The following RAP1GAP variants were observed in gnomAD, a reference collection of about 807,000 sequenced individuals.
RAP1GAP encodes RAP1 GTPase activating protein, also known as rap1 GTPase-activating protein 1.
Under a neutral mutation model 87.2 loss-of-function variants are expected in RAP1GAP, and 35 were observed. The ratio of observed to expected loss-of-function variants is 0.40; its 90% CI spans 0.31 to 0.53. The LOEUF (loss-of-function observed/expected upper bound fraction) is 0.53, where lower values mean the gene tolerates loss of function less well. RAP1GAP is among the 20% of genes least tolerant of loss of function. RAP1GAP has a pLI of 0.48. For synonymous variants in RAP1GAP, 375 were observed against 363.9 expected, an observed-to-expected ratio of 1.03 and a Z score of -0.35; for missense variants, 734 against 898.9, an observed-to-expected ratio of 0.82 and a Z score of 2.35.
In RAP1GAP at chr1:21,603,823, G is replaced by A. The variant is rs375772076; in HGVS notation, c.1429-910C>T. ...GGCAGCCTCCAGAGCCGGCGGCCCC[G>A]CGGACGACAACCTCTTCCACGGTTC... On this transcript the variant is annotated intron_variant, in intron 18 of 24. Coordinates refer to ENST00000374765, the MANE Select transcript of RAP1GAP (RefSeq NM_002885.4). This position sits in a 1 kb window ranked among gnomAD's most constrained non-coding sequence, Gnocchi z 6.0. The A allele has an allele frequency of 2.0e-5, 32 of 1,610,566 alleles. No homozygotes were observed. The highest frequency in any genetic ancestry group is 6.7e-5 in the African/African-American group (5 of 74,888).
chr1:21,620,110 C>T, intron 3 of RAP1GAP, 60 bp from the exon 4 acceptor site: 1 of 1,596,998 alleles, frequency 6.3e-7, no homozygotes, highest in Non-Finnish European at 8.6e-7. Context: ...AGAGGAGTCT[C>T]CACCCGCCCC....
At chr1:21,640,939 G>T (rs1369696588) in intron 2 of RAP1GAP, among the ~76,000 whole-genome samples, 1 of 152,106 alleles carries the variant, frequency 6.6e-6, no homozygotes, top group East Asian at 1.9e-4. Context: ...ATGGAGCCTT[G>T]CTCTGTTGGC....
chr1:21,636,946 A>AGGGAGGG (rs2094821666), intron 2 of RAP1GAP, among the ~76,000 whole-genome samples: 3 of 62,230 alleles, frequency 4.8e-5, no homozygotes, highest in African/African-American at 6.9e-5. Context: ...GGGAGGGAGG[A>AGGGAGGG]AGGGAGGGAG....
chr1:21,619,466 G>A (rs1328094933), intron 4 of RAP1GAP, among the ~76,000 whole-genome samples: 1 of 151,366 alleles, frequency 6.6e-6, no homozygotes. Context: ...AGGCATTGGA[G>A]AGAGAGACAG....
At chr1:21,638,684 C>G (rs1043738664) in intron 2 of RAP1GAP, among the ~76,000 whole-genome samples, 1 of 152,186 alleles carries the variant, frequency 6.6e-6, no homozygotes. Flanking sequence ...TACTTTTCTG[C>G]ACGGTTTGGA....
At chr1:21,667,301 C>T (rs1193730848) in intron 1 of RAP1GAP, among the ~76,000 whole-genome samples, 2 of 152,168 alleles carry the variant, frequency 1.3e-5, no homozygotes, top group South Asian at 2.1e-4. Flanking sequence ...GTGGCAGAGA[C>T]CTCTCTCCCT....
chr1:21,606,343 G>C, intron 17 of RAP1GAP, 146 bp from the exon 18 acceptor site: 1 of 1,245,062 alleles, frequency 8.0e-7, no homozygotes, highest in Non-Finnish European at 1.1e-6. Flanking sequence ...CATGTGGCCA[G>C]CAGGGCAACA....
intron 2 of RAP1GAP, among the ~76,000 whole-genome samples, chr1:21,641,719 G>C (rs1443436378): frequency 6.6e-6 from 1 of 152,164 alleles, no homozygotes. Flanking sequence ...GGAAACTGAG[G>C]TTCAGAGAGG....
At chr1:21,654,908 A>G (rs1298733751) in intron 1 of RAP1GAP, among the ~76,000 whole-genome samples, 3 of 152,156 alleles carry the variant, frequency 2.0e-5, no homozygotes, top group Non-Finnish European at 2.9e-5. Context: ...TGGGAGGCCA[A>G]GTCGGGTAGA....
At chr1:21,659,427 C>A (rs1481263825) in intron 1 of RAP1GAP, among the ~76,000 whole-genome samples, 1 of 152,180 alleles carries the variant, frequency 6.6e-6, no homozygotes, top group Non-Finnish European at 1.5e-5. Context: ...CACTTCCTCA[C>A]CCCTCCCTTA....
chr1:21,622,220 C>T lies in RAP1GAP; in HGVS notation c.-18-2170G>A. 3.1e-6 allele frequency: 1 copy of T among 327,462 alleles called. No homozygotes were observed. The allele number at this position is 327,462 out of a possible 1,614,324, so 20.3% of individuals were successfully genotyped here. On this transcript the variant is annotated intron_variant, in intron 3 of 24. Coordinates refer to ENST00000374765, the MANE Select transcript of RAP1GAP (RefSeq NM_002885.4). The surrounding 1 kb of genome is among the most constrained non-coding windows in gnomAD (Gnocchi z 5.7). ...GTGTCAGCCCAGAAGCTCACACGCC[C>T]ACCATGACGGAGCCTTGTCCGCCCG...
In RAP1GAP at chr1:21,668,366, G is replaced by A. The variant is rs114988363; in HGVS notation, c.-149+888C>T. The A allele has an allele frequency of 0.057, 8,755 of 152,652 alleles. 332 individuals carry two copies. Among genetic ancestry groups the A allele is most frequent in the Non-Finnish European group, 0.072 (4,891 of 68,338 alleles). 9.5% of individuals were successfully genotyped at this position (152,652 alleles called of 1,614,324 possible). A position where few individuals can be genotyped will look rare whatever the true frequency, so the allele number is the denominator to read the frequency against. On this transcript the variant is annotated intron_variant, in intron 1 of 24. Transcript: ENST00000374765. The surrounding 1 kb of genome is among the most constrained non-coding windows in gnomAD (Gnocchi z 6.2). ...CCTCTGACTTGGCAGGGAGGGGAATGGAGCCCGGGGACAGAGGCCAATGAG... is the reference window on the plus strand; with the variant it reads ...CCTCTGACTTGGCAGGGAGGGGAATAGAGCCCGGGGACAGAGGCCAATGAG...
At chr1:21,653,547 C>A (rs147854329) in intron 1 of RAP1GAP, among the ~76,000 whole-genome samples, 299 of 94,216 alleles carry the variant, frequency 3.2e-3, no homozygotes, top group Admixed American at 4.2e-3. Context: ...GGAGGAACTT[C>A]CTTCCTTCCT....
At chr1:21,608,486 T>C in intron 16 of RAP1GAP, 136 bp from the exon 17 acceptor site, 2 of 1,197,740 alleles carry the variant, frequency 1.7e-6, no homozygotes, top group Non-Finnish European at 2.3e-6. Flanking sequence ...GGAGGGCTCC[T>C]GCACCGCCTT....
At chr1:21,619,904 G>A (rs1464771827) in intron 4 of RAP1GAP, 111 bp downstream of exon 4, 20 of 1,164,286 alleles carry the variant, frequency 1.7e-5, no homozygotes, top group Admixed American at 1.4e-4. Context: ...ATCTTCTACT[G>A]GCGTGGCCTG....
At chr1:21,612,782 A>G (rs1034655322) in intron 10 of RAP1GAP, among the ~76,000 whole-genome samples, 1 of 152,236 alleles carries the variant, frequency 6.6e-6, no homozygotes, top group Non-Finnish European at 1.5e-5. Flanking sequence ...GCATCCGAGC[A>G]GGAAGTGCCA....
chr1:21,660,046 G>A (rs978643665), intron 1 of RAP1GAP, among the ~76,000 whole-genome samples: 15 of 151,906 alleles, frequency 9.9e-5, no homozygotes, highest in Non-Finnish European at 1.9e-4. Context: ...TGGCTGCTCT[G>A]TCCTGGTATC....
rs1029683715 is a variant in RAP1GAP, at chr1:21,609,343, T to C, written c.1071+232A>G. Among the ~76,000 whole-genome samples the C allele has an allele frequency of 5.3e-5, 8 of 151,286 alleles. No homozygotes were observed. The highest frequency in any genetic ancestry group is 2.0e-4 in the Admixed American group (3 of 15,186). On this transcript the variant is annotated intron_variant, in intron 15 of 24. Transcript: ENST00000374765. This position sits in a 1 kb window ranked among gnomAD's most constrained non-coding sequence, Gnocchi z 4.4. ...GAACAGAAATGAGGAGAGGCCAGTC[T>C]ACTATGGAAAGTGTAAAACAATCGT...
intron 18 of RAP1GAP, 29 bp downstream of exon 18, chr1:21,606,037 C>T (rs1767443): frequency 1.5e-5 from 24 of 1,558,606 alleles, no homozygotes; most frequent in Non-Finnish European, 2.1e-5. Flanking sequence ...AGGGAGGGGC[C>T]GGGGCCTGGG....
Sources: allele counts gnomAD v4.1 joint callset (sites outside exome capture counted in the v4.1 genomes callset), GRCh38; gene constraint gnomAD v4.1.1; non-coding constraint Gnocchi (gnomAD v3.1); transcripts MANE v1.5; gene names NCBI Gene and HGNC (gene_info 2026-07-23, HGNC 2026-07-21).